Variants in DIAPH3 observed in about 807,000 individuals in gnomAD.
The protein encoded by DIAPH3 is protein diaphanous homolog 3.
In DIAPH3, 117 loss-of-function variants were observed where a neutral mutation model predicts 144.3. The ratio of observed to expected loss-of-function variants is 0.81; its 90% CI spans 0.70 to 0.95. DIAPH3 has a LOEUF of 0.95. DIAPH3 is among the 40% of genes least tolerant of loss of function. The probability of loss-of-function intolerance (pLI) is 0.00; values close to 1 mark genes in which losing one functional copy is unlikely to be tolerated. For missense variants in DIAPH3, 1,421 were observed against 1,412.7 expected (o/e 1.01, Z -0.09); for synonymous variants, 519 against 488.9 (o/e 1.06, Z -0.81).
intron 9 of DIAPH3, among the ~76,000 whole-genome samples, chr13:59,996,633 G>A (rs1381318960): frequency 3.3e-5 from 5 of 151,786 alleles, no homozygotes; most frequent in Non-Finnish European, 5.9e-5. Context: ...ACAAAGAGTG[G>A]GACAAAAGTC....
chr13:59,942,839 T>A (rs1246930204), intron 17 of DIAPH3, among the ~76,000 whole-genome samples: 1 of 152,188 alleles, frequency 6.6e-6, no homozygotes, highest in African/African-American at 2.4e-5. Context: ...CCCAGTGTAA[T>A]TTTCCATGTT....
intron 24 of DIAPH3, among the ~76,000 whole-genome samples, chr13:59,817,091 G>A (rs2040815200): frequency 6.6e-6 from 1 of 151,718 alleles, no homozygotes; most frequent in Admixed American, 6.6e-5. Flanking sequence ...AAATAAAACT[G>A]GCACTGAAAA....
chr13:60,147,945 ATTG>A (rs1951608830), intron 1 of DIAPH3, among the ~76,000 whole-genome samples: 2 of 17,282 alleles, frequency 1.2e-4, no homozygotes, highest in Non-Finnish European at 2.9e-4. Context: ...TTAGGAAGCT[ATTG>A]CAATCTATTG....
At chr13:59,898,077 G>A (rs1289682395) in intron 20 of DIAPH3, among the ~76,000 whole-genome samples, 2 of 130,708 alleles carry the variant, frequency 1.5e-5, no homozygotes, top group African/African-American at 5.8e-5. Context: ...AGAGGCTGCA[G>A]TGAGCTGAGA....
At chr13:59,857,706 A>G (rs2043337507) in intron 22 of DIAPH3, among the ~76,000 whole-genome samples, 1 of 152,182 alleles carries the variant, frequency 6.6e-6, no homozygotes, top group Admixed American at 6.6e-5. Flanking sequence ...TTAAATAAAG[A>G]GTAGAATACA....
At position 59,961,259 on chromosome 13, in the gene DIAPH3, T is replaced by C. The variant is rs527957377; in HGVS notation, c.2074+8685A>G. Among the ~76,000 whole-genome samples the C allele has an allele frequency of 2.0e-5, 3 of 152,332 alleles. No homozygotes were observed. In the South Asian group the frequency reaches 6.2e-4, roughly 32 times the overall value. ...GCTAACATTTCCTGAGCAACTACAATGAGCTGGGCACTGCAAAAGATGCTT... is the reference window on the plus strand; with the variant it reads ...GCTAACATTTCCTGAGCAACTACAACGAGCTGGGCACTGCAAAAGATGCTT... On this transcript the variant is annotated intron_variant, in intron 17 of 27. Coordinates refer to ENST00000400324, the MANE Select transcript of DIAPH3 (RefSeq NM_001042517.2).
chr13:60,148,143 G>C (rs927004847), intron 1 of DIAPH3, among the ~76,000 whole-genome samples: 1 of 152,182 alleles, frequency 6.6e-6, no homozygotes, highest in Admixed American at 6.6e-5. Context: ...CACTGACTAA[G>C]AGAATACAAA....
intron 27 of DIAPH3, among the ~76,000 whole-genome samples, chr13:59,701,879 G>C (rs2034130521): frequency 6.6e-6 from 1 of 152,148 alleles, no homozygotes; most frequent in Non-Finnish European, 1.5e-5. Context: ...CCAATTTATT[G>C]ATTCTTTCCT....
At chr13:60,082,219 T>A (rs1171818557) in intron 4 of DIAPH3, among the ~76,000 whole-genome samples, 1 of 150,656 alleles carries the variant, frequency 6.6e-6, no homozygotes, top group Non-Finnish European at 1.5e-5. Context: ...CATAATGTCA[T>A]AAGAGAATGC....
chr13:59,790,085 T>C (rs2039249860), intron 25 of DIAPH3, among the ~76,000 whole-genome samples: 2 of 152,224 alleles, frequency 1.3e-5, no homozygotes, highest in Non-Finnish European at 2.9e-5. Flanking sequence ...GGCACTGAAC[T>C]AGCCCCAGCC....
chr13:60,090,246 T>G (rs2057887075), intron 4 of DIAPH3, among the ~76,000 whole-genome samples: 1 of 152,216 alleles, frequency 6.6e-6, no homozygotes, highest in Admixed American at 6.5e-5. Flanking sequence ...TTTCTGCTTC[T>G]AAATACGACA....
At chr13:59,881,378 T>C (rs1428674653) in intron 20 of DIAPH3, among the ~76,000 whole-genome samples, 1 of 152,156 alleles carries the variant, frequency 6.6e-6, no homozygotes, top group African/African-American at 2.4e-5. Context: ...CTGTTTTCAG[T>C]AAGTGCCATT....
intron 25 of DIAPH3, among the ~76,000 whole-genome samples, chr13:59,797,798 T>C (rs1323748644): frequency 6.6e-6 from 1 of 152,136 alleles, no homozygotes; most frequent in Non-Finnish European, 1.5e-5. Context: ...ACCTCCAGCT[T>C]ATCCTCATGA....
intron 1 of DIAPH3, among the ~76,000 whole-genome samples, chr13:60,147,948 GC>G (rs1470194870): frequency 5.7e-5 from 1 of 17,422 alleles, no homozygotes; most frequent in Non-Finnish European, 1.4e-4. Flanking sequence ...GGAAGCTATT[GC>G]AATCTATTGC....
At chr13:60,029,157 C>G (rs1443151605) in intron 5 of DIAPH3, among the ~76,000 whole-genome samples, 1 of 55,176 alleles carries the variant, frequency 1.8e-5, no homozygotes, top group Non-Finnish European at 4.3e-5. Context: ...CCTATTTGCT[C>G]AAGTAAAAAA....
intron 4 of DIAPH3, among the ~76,000 whole-genome samples, chr13:60,063,426 C>T (rs1381760239): frequency 6.6e-6 from 1 of 152,162 alleles, no homozygotes; most frequent in Non-Finnish European, 1.5e-5. Context: ...TGTTAATGTT[C>T]ATAGATAGAC....
intron 3 of DIAPH3, among the ~76,000 whole-genome samples, chr13:60,096,725 C>A (rs1198673936): frequency 1.3e-5 from 2 of 152,152 alleles, no homozygotes; most frequent in Non-Finnish European, 2.9e-5. Context: ...ACTTCTTCTG[C>A]CCTTGGACAT....
intron 9 of DIAPH3, among the ~76,000 whole-genome samples, chr13:60,005,468 T>C (rs184629): frequency 0.65 from 99,326 of 152,004 alleles, 33,104 homozygotes; most frequent in African/African-American, 0.74. Flanking sequence ...ATACAAAAAA[T>C]ATTGAATCAC....
At chr13:59,929,117 G>A (rs2047892486) in intron 17 of DIAPH3, among the ~76,000 whole-genome samples, 1 of 152,134 alleles carries the variant, frequency 6.6e-6, no homozygotes, top group South Asian at 2.1e-4. Flanking sequence ...AATGTTCATT[G>A]GAGCATTTCA....
Sources: gnomAD v4.1 joint callset for allele counts (sites outside exome capture counted in the v4.1 genomes callset) on GRCh38, gnomAD v4.1.1 for gene constraint, MANE v1.5 for transcripts, NCBI Gene and HGNC (gene_info 2026-07-23, HGNC 2026-07-21) for gene names.